The following MARCHF4 variants were observed in gnomAD, a reference collection of about 807,000 sequenced individuals.
The protein encoded by MARCHF4 is E3 ubiquitin-protein ligase MARCHF4.
MARCHF4 carries 14 observed loss-of-function variants against 43.9 expected under a neutral mutation model. The observed-to-expected ratio is 0.32, with a 90% CI of 0.21 to 0.50. The LOEUF is 0.50. Among genes scored for constraint, MARCHF4 ranks in the 20% least tolerant of loss-of-function variants. MARCHF4 has a pLI of 0.98. For missense variants in MARCHF4, 468 were observed against 536.7 expected (o/e 0.87, Z 1.27); for synonymous variants, 226 against 213.3 (o/e 1.06, Z -0.52).
At chr2:216,320,897 T>C (rs1472914071) in intron 1 of MARCHF4, among the ~76,000 whole-genome samples, 1 of 147,506 alleles carries the variant, frequency 6.8e-6, no homozygotes, top group Non-Finnish European at 1.5e-5. Flanking sequence ...GTCAGTCTGG[T>C]CTCGAACTCC....
rs545028546 is a variant in MARCHF4, at chr2:216,352,814, G to A, written c.516+16931C>T. Among the ~76,000 whole-genome samples the A allele has an allele frequency of 5.9e-5, 9 of 152,264 alleles. No homozygotes were observed. The South Asian group carries it at 1.7e-3, about 28-fold the overall frequency. On this transcript the variant is annotated intron_variant, in intron 1 of 3. Transcript: ENST00000273067. ...CCCACAGCACCTTGAGCAGTTCTCA[G>A]TCCTTACCATACTATATCTTAATTC...
At chr2:216,351,830 C>A (rs913503167) in intron 1 of MARCHF4, among the ~76,000 whole-genome samples, 10 of 152,358 alleles carry the variant, frequency 6.6e-5, no homozygotes, top group Middle Eastern at 6.8e-3. Flanking sequence ...AACCTGTTAA[C>A]CCTTTCCAAC....
intron 1 of MARCHF4, 137 bp from the exon 2 acceptor site, chr2:216,283,866 T>G (rs1691176200): frequency 1.1e-6 from 1 of 923,976 alleles, no homozygotes; most frequent in Non-Finnish European, 1.6e-6. Flanking sequence ...GGCACCAGAC[T>G]CCATGGAGGA....
chr2:216,283,196 T>A (rs1415171579), intron 2 of MARCHF4, among the ~76,000 whole-genome samples: 1 of 152,150 alleles, frequency 6.6e-6, no homozygotes, highest in African/African-American at 2.4e-5. Context: ...CTTTCTCTCT[T>A]TTTCTTCTTC....
intron 2 of MARCHF4, among the ~76,000 whole-genome samples, chr2:216,280,430 A>G (rs560585760): frequency 6.6e-6 from 1 of 152,352 alleles, no homozygotes; most frequent in South Asian, 2.1e-4. Context: ...TTCCGCTCCT[A>G]CGCACTGAGT....
chr2:216,271,542 G>A (rs1690938270), intron 3 of MARCHF4, among the ~76,000 whole-genome samples: 3 of 152,080 alleles, frequency 2.0e-5, no homozygotes, highest in Admixed American at 2.0e-4. Context: ...TCATCTTTTT[G>A]TGAATGTTCT....
intron 1 of MARCHF4, among the ~76,000 whole-genome samples, chr2:216,363,217 C>T (rs746612591): frequency 6.6e-6 from 1 of 152,184 alleles, no homozygotes; most frequent in Non-Finnish European, 1.5e-5. Context: ...CAGCTAGAAG[C>T]CACATCCAAT....
intron 1 of MARCHF4, among the ~76,000 whole-genome samples, chr2:216,326,663 G>A (rs1224291371): frequency 1.3e-5 from 2 of 152,120 alleles, no homozygotes; most frequent in Non-Finnish European, 2.9e-5. Flanking sequence ...CCTTTGTAGG[G>A]ACATAGATGA....
chr2:216,359,113 C>T (rs1409409231), intron 1 of MARCHF4, among the ~76,000 whole-genome samples: 1 of 152,182 alleles, frequency 6.6e-6, no homozygotes, highest in South Asian at 2.1e-4. Flanking sequence ...TCAAAGTTAG[C>T]ATTTCCTTCA....
chr2:216,330,728 C>T (rs956792416), intron 1 of MARCHF4, among the ~76,000 whole-genome samples: 3 of 151,822 alleles, frequency 2.0e-5, no homozygotes, highest in African/African-American at 7.3e-5. Flanking sequence ...AAAATATCAC[C>T]GAATATTAAT....
intron 1 of MARCHF4, among the ~76,000 whole-genome samples, chr2:216,291,997 C>T (rs1691316123): frequency 6.6e-6 from 1 of 152,174 alleles, no homozygotes; most frequent in East Asian, 1.9e-4. Context: ...TCCATCAGAC[C>T]CTTACCTTCC....
At chr2:216,272,914 A>G (rs973237488) in intron 3 of MARCHF4, among the ~76,000 whole-genome samples, 4 of 152,230 alleles carry the variant, frequency 2.6e-5, no homozygotes, top group African/African-American at 9.6e-5. Context: ...GGGAGCTCAG[A>G]CTTTCCTGGC....
intron 3 of MARCHF4, 85 bp downstream of exon 3, chr2:216,277,587 C>G (rs1691047225): frequency 7.1e-7 from 1 of 1,404,934 alleles, no homozygotes; most frequent in African/African-American, 1.4e-5. Context: ...GCTTCAGCCT[C>G]CCACAGTGGG....
intron 1 of MARCHF4, among the ~76,000 whole-genome samples, chr2:216,285,618 C>A (rs1201321894): frequency 1.3e-5 from 2 of 152,352 alleles, no homozygotes; most frequent in East Asian, 3.9e-4. Context: ...TAGGCAGCCA[C>A]CTCCTGGAGA....
intron 3 of MARCHF4, among the ~76,000 whole-genome samples, chr2:216,270,712 T>A (rs1334889342): frequency 6.6e-6 from 1 of 152,126 alleles, no homozygotes; most frequent in African/African-American, 2.4e-5. Context: ...ACCCTTTTGT[T>A]GTCCTTTGTT....
In MARCHF4 at chr2:216,372,035, C is replaced by G. The variant is rs1692779493; in HGVS notation, c.-1775G>C. On this transcript the variant is annotated 5_prime_UTR_variant, in exon 1 of 4. Transcript: ENST00000273067. The stretch of plus-strand genomic sequence containing the variant: ...CAGTGTGGCCGAGGTGGGAGGCAGC[C>G]GGCACTTGGCTCCAGCTTGGTCCTC... The G allele has an allele frequency of 6.6e-6, 1 of 152,232 alleles. No homozygotes were observed. The highest frequency in any genetic ancestry group is 1.5e-5 in the Non-Finnish European group (1 of 68,200). 9.4% of individuals were successfully genotyped at this position (152,232 alleles called of 1,614,324 possible). A position where few individuals can be genotyped will look rare whatever the true frequency, so the allele number is the denominator to read the frequency against.
chr2:216,309,198 T>A (rs1691640869), intron 1 of MARCHF4, among the ~76,000 whole-genome samples: 1 of 152,180 alleles, frequency 6.6e-6, no homozygotes, highest in South Asian at 2.1e-4. Flanking sequence ...ACCTAATTAA[T>A]CCTCACAGTG....
chr2:216,359,016 G>A (rs1692539722), intron 1 of MARCHF4, among the ~76,000 whole-genome samples: 1 of 152,196 alleles, frequency 6.6e-6, no homozygotes, highest in African/African-American at 2.4e-5. Context: ...CATAATTCAG[G>A]AGTGGGAATT....
At chr2:216,320,702 A>G (rs13402349) in intron 1 of MARCHF4, among the ~76,000 whole-genome samples, 2 of 118,100 alleles carry the variant, frequency 1.7e-5, no homozygotes, top group African/African-American at 3.1e-5. Context: ...ATGGAGTCCC[A>G]CTCTGTCACC....
Sources: allele counts gnomAD v4.1 joint callset (sites outside exome capture counted in the v4.1 genomes callset), GRCh38; gene constraint gnomAD v4.1.1; transcripts MANE v1.5; gene names NCBI Gene and HGNC (gene_info 2026-07-23, HGNC 2026-07-21).